The following FAM184A variants were observed in gnomAD, a reference collection of about 807,000 sequenced individuals.
FAM184A encodes the protein family with sequence similarity 184 member A, also known as protein FAM184A.
FAM184A carries 99 observed loss-of-function variants against 143.8 expected under a neutral mutation model. The observed-to-expected ratio is 0.69, with a 90% CI of 0.58 to 0.81. The LOEUF (loss-of-function observed/expected upper bound fraction) is 0.81. FAM184A is among the 40% of genes least tolerant of loss of function. The probability of loss-of-function intolerance (pLI) is 0.00; values close to 1 mark genes in which losing one functional copy is unlikely to be tolerated. For missense variants in FAM184A, 1,217 were observed against 1,310.5 expected (o/e 0.93, Z 1.10); for synonymous variants, 427 against 446.4 (o/e 0.96, Z 0.55).
intron 1 of FAM184A, among the ~76,000 whole-genome samples, chr6:119,042,743 T>A (rs1320805074): frequency 2.6e-5 from 4 of 152,128 alleles, no homozygotes; most frequent in African/African-American, 9.7e-5. Context: ...TAGGTAATAA[T>A]GATGGACTTT....
At chr6:119,108,605 G>A (rs1562153626) in intron 1 of FAM184A, among the ~76,000 whole-genome samples, 1 of 152,110 alleles carries the variant, frequency 6.6e-6, no homozygotes, top group East Asian at 1.9e-4. Context: ...TCAAATTGCA[G>A]GGAGTGCCTG....
intron 1 of FAM184A, among the ~76,000 whole-genome samples, chr6:119,113,940 A>AAAAT (rs570853166): frequency 5.6e-4 from 85 of 152,328 alleles, no homozygotes; most frequent in African/African-American, 1.9e-3. Flanking sequence ...ACTATGTCTC[A>AAAAT]AAATAAATAA....
intron 9 of FAM184A, among the ~76,000 whole-genome samples, chr6:118,984,327 G>A (rs1197647061): frequency 4.0e-5 from 6 of 150,714 alleles, no homozygotes; most frequent in East Asian, 3.9e-4. Context: ...AGCTGGGACC[G>A]CAGACATGCA....
chr6:119,134,012 T>C (rs962915597), intron 1 of FAM184A, among the ~76,000 whole-genome samples: 3 of 151,594 alleles, frequency 2.0e-5, no homozygotes, highest in Non-Finnish European at 4.4e-5. Flanking sequence ...GACACAAAAG[T>C]GCAAAATACA....
intron 1 of FAM184A, among the ~76,000 whole-genome samples, chr6:119,029,387 A>G (rs1785787336): frequency 6.6e-6 from 1 of 152,218 alleles, no homozygotes; most frequent in Non-Finnish European, 1.5e-5. Context: ...ATTTCCCTCG[A>G]AGCTTTGATG....
At chr6:119,057,346 A>G (rs1472426069) in intron 1 of FAM184A, among the ~76,000 whole-genome samples, 1 of 152,230 alleles carries the variant, frequency 6.6e-6, no homozygotes, top group East Asian at 1.9e-4. Context: ...ACAATATAAA[A>G]GTCTTTCTTA....
intron 7 of FAM184A, chr6:119,005,931 C>G: frequency 1.8e-6 from 1 of 554,642 alleles, no homozygotes; most frequent in Non-Finnish European, 3.3e-6. Flanking sequence ...AAGAATTGCA[C>G]GTTCCAATTG....
intron 11 of FAM184A, among the ~76,000 whole-genome samples, chr6:118,977,841 A>C (rs755637601): frequency 7.2e-5 from 11 of 152,172 alleles, no homozygotes; most frequent in Non-Finnish European, 1.0e-4. Flanking sequence ...CCACTGGAGG[A>C]ACTAGTTAAA....
chr6:119,039,186 C>G (rs1786225563), intron 1 of FAM184A, among the ~76,000 whole-genome samples: 2 of 152,186 alleles, frequency 1.3e-5, no homozygotes, highest in African/African-American at 4.8e-5. Context: ...AGCAAGAACT[C>G]TCATTTATTG....
chr6:119,092,887 AT>A (rs932105971), intron 1 of FAM184A, among the ~76,000 whole-genome samples: 2 of 152,084 alleles, frequency 1.3e-5, no homozygotes, highest in African/African-American at 4.8e-5. Flanking sequence ...GTCAAGTAAT[AT>A]TTTTGTAGGC....
Position 118,974,428 on chromosome 6 carries a change from G to A in FAM184A, c.2915C>T (p.Ser972Leu), listed in dbSNP as rs58083015. 47 of 1,606,222 alleles carry A rather than the reference G, an allele frequency of 2.9e-5. No homozygotes were observed. The highest frequency in any genetic ancestry group is 3.7e-5 in the Non-Finnish European group (43 of 1,176,554). The change falls in exon 14 of 18, where the codon TCA (serine) becomes TTA (leucine). Residue 972 changes from serine (S) to leucine (L), a missense_variant and splice_region_variant. Physicochemically the swap from Ser to Leu is moderately radical, Grantham distance 145 (BLOSUM62 -2). Coordinates refer to ENST00000338891, the MANE Select transcript of FAM184A (RefSeq NM_024581.6). ...LKEINAALQV[S>L]LEEMEEKYLM... is the part of the protein sequence containing the mutation. ...AATTTTCTTATATAATATGACTTAC[G>A]ACACTTGTAAAGCGGCATTTATTTC...
intron 3 of FAM184A, among the ~76,000 whole-genome samples, chr6:119,020,747 G>A (rs1582514384): frequency 6.6e-6 from 1 of 152,244 alleles, no homozygotes; most frequent in South Asian, 2.1e-4. Flanking sequence ...GGTTGAGATG[G>A]GAGGATTGTT....
In FAM184A at chr6:118,979,788, A is replaced by G. The variant is rs138509278; in HGVS notation, c.2302-270T>C. ...CTGGGCACAGTGGCTCACCCTTGTA[A>G]TCCCAGCAGTTTGGGAGGACAAGGT... On this transcript the variant is annotated intron_variant, in intron 10 of 17. Transcript: ENST00000338891. Among the ~76,000 whole-genome samples, 964 of 152,178 alleles carry G rather than the reference A, an allele frequency of 6.3e-3. 7 individuals carry two copies. Among genetic ancestry groups the G allele is most frequent in the African/African-American group, 0.022 (896 of 41,514 alleles).
At chr6:119,103,273 G>T (rs1486535682) in intron 1 of FAM184A, among the ~76,000 whole-genome samples, 4 of 152,194 alleles carry the variant, frequency 2.6e-5, no homozygotes, top group Non-Finnish European at 5.9e-5. Context: ...ACGAAATGAA[G>T]CTGGATCCAA....
chr6:119,139,364 T>C (rs1341922791), intron 1 of FAM184A, among the ~76,000 whole-genome samples: 1 of 152,136 alleles, frequency 6.6e-6, no homozygotes, highest in Non-Finnish European at 1.5e-5. Context: ...CAGCAGTTTG[T>C]TTCTGGTTAT....
At chr6:119,048,523 T>A (rs1463225034) in intron 1 of FAM184A, among the ~76,000 whole-genome samples, 3 of 152,122 alleles carry the variant, frequency 2.0e-5, no homozygotes, top group Non-Finnish European at 2.9e-5. Context: ...ATAAACAACT[T>A]CAGCAAAGTT....
At chr6:119,060,827 CT>C (rs1268254990) in intron 1 of FAM184A, among the ~76,000 whole-genome samples, 1 of 152,182 alleles carries the variant, frequency 6.6e-6, no homozygotes, top group Non-Finnish European at 1.5e-5. Flanking sequence ...CTCACTCTCA[CT>C]TTGTGTTCCA....
At chr6:119,061,631 TATGGGCC>T (rs1363409191) in intron 1 of FAM184A, among the ~76,000 whole-genome samples, 1 of 134,252 alleles carries the variant, frequency 7.4e-6, no homozygotes, top group African/African-American at 2.8e-5. Context: ...TCTCTCAACC[TATGGGCC>T]ACCACACCTA....
chr6:118,991,858 G>A (rs2114613015), intron 9 of FAM184A, among the ~76,000 whole-genome samples: 1 of 139,216 alleles, frequency 7.2e-6, no homozygotes, highest in Non-Finnish European at 1.5e-5. Context: ...CGCCTCCCGG[G>A]TTCATGTCAT....
Sources: allele counts gnomAD v4.1 joint callset (sites outside exome capture counted in the v4.1 genomes callset), GRCh38; gene constraint gnomAD v4.1.1; transcripts MANE v1.5; gene names NCBI Gene and HGNC (gene_info 2026-07-23, HGNC 2026-07-21).